MALRD1: variants seen among roughly 807,000 people sequenced by gnomAD.
MALRD1 encodes MAM and LDL receptor class A domain containing 1.
In MALRD1, 247 loss-of-function variants were observed where a neutral mutation model predicts 242.1. The observed-to-expected ratio is 1.02, with a 90% CI of 0.92 to 1.13. The LOEUF (loss-of-function observed/expected upper bound fraction) is 1.13. MALRD1 is among the 50% of genes most tolerant of loss of function. The probability of loss-of-function intolerance (pLI) is 0.00; values close to 1 mark genes in which losing one functional copy is unlikely to be tolerated. For synonymous variants in MALRD1, 995 were observed against 866.6 expected (o/e 1.15, Z -2.60); for missense variants, 2,989 against 2,533.1 (o/e 1.18, Z -3.86).
intron 21 of MALRD1, among the ~76,000 whole-genome samples, chr10:19,301,221 C>T (rs1841939722): frequency 6.6e-6 from 1 of 151,786 alleles, no homozygotes; most frequent in Non-Finnish European, 1.5e-5. Context: ...CACAGGCTGA[C>T]GAGGTTAGGG....
chr10:19,545,217 T>C (rs1285927228), intron 32 of MALRD1, among the ~76,000 whole-genome samples: 1 of 152,134 alleles, frequency 6.6e-6, no homozygotes, highest in Non-Finnish European at 1.5e-5. Context: ...TCATTCACAT[T>C]GGATTAGAGC....
rs776671221 is a variant in MALRD1, at chr10:19,450,257, T to C, written c.4846-50T>C. On this transcript the variant is annotated intron_variant, in intron 28 of 39. Transcript: ENST00000454679. ...CTGGGTTTTGCCCCACACTGCATCA[T>C]CTTCTTTTGTGTTTGATTATTTCCC... is the stretch of plus-strand genomic sequence containing the variant. 19 of 1,477,632 alleles carry C rather than the reference T, an allele frequency of 1.3e-5. No homozygotes were observed. In the South Asian group the frequency reaches 2.2e-4, roughly 17 times the overall value. 91.5% of individuals were successfully genotyped at this position (1,477,632 alleles called of 1,614,324 possible). A position where few individuals can be genotyped will look rare whatever the true frequency, so the allele number is the denominator to read the frequency against.
At chr10:19,584,443 T>G (rs1254053086) in intron 33 of MALRD1, among the ~76,000 whole-genome samples, 1 of 152,078 alleles carries the variant, frequency 6.6e-6, no homozygotes, top group Non-Finnish European at 1.5e-5. Flanking sequence ...CTCGTAGGTT[T>G]CAAAGAACAT....
intron 5 of MALRD1, among the ~76,000 whole-genome samples, chr10:19,117,622 T>A (rs1358344069): frequency 1.3e-5 from 2 of 152,234 alleles, no homozygotes; most frequent in African/African-American, 4.8e-5. Flanking sequence ...TGTGCAATCT[T>A]AGCTTCATTT....
intron 32 of MALRD1, among the ~76,000 whole-genome samples, chr10:19,554,647 G>A (rs2131416800): frequency 6.6e-6 from 1 of 152,142 alleles, no homozygotes; most frequent in South Asian, 2.1e-4. Context: ...TGCAGTGTTT[G>A]GTTTTCTGTT....
intron 1 of MALRD1, among the ~76,000 whole-genome samples, chr10:19,064,938 T>A (rs547023115): frequency 3.2e-4 from 48 of 151,468 alleles, no homozygotes; most frequent in African/African-American, 1.1e-3. Flanking sequence ...CCATTGTTAT[T>A]TACGTGCAAA....
chr10:19,392,265 C>T (rs1406612834), intron 28 of MALRD1, among the ~76,000 whole-genome samples: 2 of 151,988 alleles, frequency 1.3e-5, no homozygotes, highest in Non-Finnish European at 2.9e-5. Context: ...ACTTTACCAC[C>T]CTATAGCTAA....
Position 19,312,400 on chromosome 10 carries a change from A to ATATATATATATATATATATATG in MALRD1, c.3420-11548_3420-11547insATATATATATATATATATATGT, listed in dbSNP as rs1491220851. ...TGTGTATATATATATATATATATAT[A>ATATATATATATATATATATATG]TGTGTATATGTGTGTGTGTGTGTGT... is the stretch of plus-strand genomic sequence containing the variant. On this transcript the variant is annotated intron_variant, in intron 21 of 39. Coordinates refer to ENST00000454679, the MANE Select transcript of MALRD1 (RefSeq NM_001142308.3). Among the ~76,000 whole-genome samples the ATATATATATATATATATATATG allele has an allele frequency of 4.3e-4, 62 of 143,616 alleles. 1 individual carries two copies. The highest frequency in any genetic ancestry group is 1.6e-3 in the African/African-American group (61 of 38,694). The allele number at this position is 143,616 out of a possible 152,430, so 94.2% of individuals were successfully genotyped here. A position where few individuals can be genotyped will look rare whatever the true frequency, so the allele number is the denominator to read the frequency against.
chr10:19,173,824 T>C (rs1333910156), intron 13 of MALRD1, among the ~76,000 whole-genome samples: 2 of 152,312 alleles, frequency 1.3e-5, no homozygotes, highest in Non-Finnish European at 2.9e-5. Context: ...AGTCTCCTAG[T>C]ATCTTATACT....
intron 36 of MALRD1, among the ~76,000 whole-genome samples, chr10:19,688,798 C>T (rs938655527): frequency 3.3e-5 from 5 of 152,182 alleles, no homozygotes; most frequent in Admixed American, 2.6e-4. Context: ...GGAAACTCAC[C>T]CCTTTCAGGG....
chr10:19,376,558 T>A (rs1277162364), intron 26 of MALRD1, among the ~76,000 whole-genome samples: 1 of 143,534 alleles, frequency 7.0e-6, no homozygotes, highest in Non-Finnish European at 1.5e-5. Flanking sequence ...TTTTTTTTTT[T>A]TTTTTTTTTT....
chr10:19,247,157 T>G (rs1029185289), intron 18 of MALRD1, among the ~76,000 whole-genome samples: 2 of 152,202 alleles, frequency 1.3e-5, no homozygotes, highest in Admixed American at 1.3e-4. Flanking sequence ...AGAAAGTTCT[T>G]GCAAATGGAG....
At chr10:19,588,478 A>C (rs1837565024) in intron 33 of MALRD1, among the ~76,000 whole-genome samples, 1 of 152,188 alleles carries the variant, frequency 6.6e-6, no homozygotes, top group African/African-American at 2.4e-5. Context: ...ATTTTGAGGA[A>C]AACCTGAGTA....
At chr10:19,266,887 G>A (rs1301012664) in intron 19 of MALRD1, among the ~76,000 whole-genome samples, 2 of 151,964 alleles carry the variant, frequency 1.3e-5, no homozygotes, top group African/African-American at 4.8e-5. Context: ...TAGGAATGAT[G>A]ATTCCTTATA....
intron 38 of MALRD1, among the ~76,000 whole-genome samples, chr10:19,718,101 GGAAGAGGAA>G (rs1272698385): frequency 3.8e-4 from 34 of 89,730 alleles, no homozygotes; most frequent in African/African-American, 1.6e-3. Flanking sequence ...AAGAAGAAGA[GGAAGAGGAA>G]GAAGAAGAAG....
intron 38 of MALRD1, chr10:19,728,323 A>T (rs1835135632): frequency 1.3e-5 from 2 of 152,222 alleles, no homozygotes; most frequent in African/African-American, 4.8e-5. Context: ...TTAATAGAAA[A>T]TTATTTCAGA....
At position 19,430,922 on chromosome 10, in the gene MALRD1, A is replaced by T. The variant is rs1266384406; in HGVS notation, c.4846-19385A>T. 3.3e-5 allele frequency among the ~76,000 whole-genome samples: 5 copies of T among 152,308 alleles called. No individual in the cohort carries two copies. In the South Asian group the frequency reaches 1.0e-3, roughly 32 times the overall value. ...GTGCCTAATGTAGACTTGATGCGCCATATATGAGTTGAGTAAGTAAGAAAA... is the reference window on the plus strand; with the variant it reads ...GTGCCTAATGTAGACTTGATGCGCCTTATATGAGTTGAGTAAGTAAGAAAA... On this transcript the variant is annotated intron_variant, in intron 28 of 39. Coordinates refer to ENST00000454679, the MANE Select transcript of MALRD1 (RefSeq NM_001142308.3).
intron 36 of MALRD1, among the ~76,000 whole-genome samples, chr10:19,654,125 T>G (rs1472402617): frequency 1.3e-5 from 2 of 152,170 alleles, no homozygotes; most frequent in Non-Finnish European, 2.9e-5. Context: ...GTGATTTTTT[T>G]GAAATGACAA....
chr10:19,117,689 C>A (rs542051042), intron 5 of MALRD1, among the ~76,000 whole-genome samples: 117 of 152,252 alleles, frequency 7.7e-4, no homozygotes, highest in African/African-American at 2.4e-3. Flanking sequence ...ATCTTACATT[C>A]AAGAGGATTT....
Sources: gnomAD v4.1 joint callset for allele counts (sites outside exome capture counted in the v4.1 genomes callset) on GRCh38, gnomAD v4.1.1 for gene constraint, MANE v1.5 for transcripts, NCBI Gene and HGNC (gene_info 2026-07-23, HGNC 2026-07-21) for gene names.